POLR3B: variants seen among roughly 807,000 people sequenced by gnomAD.
The protein encoded by POLR3B is RNA polymerase III subunit B, also known as DNA-directed RNA polymerase III subunit RPC2.
A neutral mutation model predicts 147.4 loss-of-function variants in POLR3B; 96 were observed. That is an observed-to-expected ratio of 0.65 (90% CI 0.55 to 0.77). The LOEUF (loss-of-function observed/expected upper bound fraction) is 0.77, where lower values mean the gene tolerates loss of function less well. POLR3B is among the 30% of genes least tolerant of loss of function. POLR3B has a pLI of 0.00. For synonymous variants in POLR3B, 461 were observed against 485.9 expected (o/e 0.95, Z 0.67); for missense variants, 1,036 against 1,413.5 (o/e 0.73, Z 4.28).
chr12:106,473,953 G>A (rs1017593721), intron 23 of POLR3B, among the ~76,000 whole-genome samples: 2 of 150,390 alleles, frequency 1.3e-5, no homozygotes, highest in Non-Finnish European at 1.5e-5. Flanking sequence ...AGTTTTCAAA[G>A]GGAATGCTTC....
At chr12:106,467,196 T>C (rs2038018086) in intron 23 of POLR3B, among the ~76,000 whole-genome samples, 1 of 152,168 alleles carries the variant, frequency 6.6e-6, no homozygotes, top group Non-Finnish European at 1.5e-5. Flanking sequence ...TCCTAGGTAT[T>C]TTATTCTCTT....
rs2038207914 is a variant in POLR3B at position 106,478,106 on chromosome 12, C to T, written c.2713+14486C>T. Among the ~76,000 whole-genome samples, 3 of 151,688 alleles carry T rather than the reference C, an allele frequency of 2.0e-5. No individual in the cohort carries two copies. The South Asian group carries it at 6.2e-4, about 32-fold the overall frequency. On this transcript the variant is annotated intron_variant, in intron 23 of 27. Transcript: ENST00000228347. ...ATTCTTAGTAGAGATGGAGTTTCAC[C>T]ATATTGCCCAGGCTGGTCCCAAATT...
chr12:106,412,151 C>T (rs1391126037), intron 12 of POLR3B, among the ~76,000 whole-genome samples: 1 of 151,890 alleles, frequency 6.6e-6, no homozygotes, highest in Non-Finnish European at 1.5e-5. Flanking sequence ...ACCTGATAGA[C>T]ATTGTGGATA....
intron 15 of POLR3B, 35 bp from the exon 16 acceptor site, chr12:106,433,684 T>A: frequency 6.3e-7 from 1 of 1,586,904 alleles, no homozygotes; most frequent in Non-Finnish European, 8.6e-7. Context: ...ATTTATTTTT[T>A]ATTTCTGTCT....
rs766309077 is a variant in POLR3B at position 106,363,820 on chromosome 12, G to A, written c.73-50G>A. 9 of 1,373,524 alleles carry A rather than the reference G, an allele frequency of 6.6e-6. No individual in the cohort carries two copies. The Admixed American group carries it at 8.6e-5, about 13-fold the overall frequency. 85.1% of individuals were successfully genotyped at this position (1,373,524 alleles called of 1,614,324 possible). ...TGGAACATTAAAATAACTTATGAAA[G>A]TACTGTTGCTGGTACAGAGTTCTGA... On this transcript the variant is annotated intron_variant, in intron 1 of 27. Transcript: ENST00000228347.
chr12:106,433,880 T>C lies in POLR3B; in HGVS notation c.1781+8T>C. ...TGGGGGAAGGCTATGCAGGTATATA[T>C]GCAGGTTACTAAAAAGAGTTTTTAA... On this transcript the variant is annotated splice_region_variant and intron_variant, in intron 16 of 27. Transcript: ENST00000228347. 6.2e-7 allele frequency: 1 copy of C among 1,608,896 alleles called. No homozygotes were observed. Among genetic ancestry groups the C allele is most frequent in the Middle Eastern group, 1.7e-4 (1 of 6,022 alleles).
intron 27 of POLR3B, 92 bp from the exon 28 acceptor site, chr12:106,509,328 A>T (rs887121515): frequency 7.9e-7 from 1 of 1,268,230 alleles, no homozygotes; most frequent in Non-Finnish European, 1.1e-6. Context: ...TAGAATGATA[A>T]TAGAACTTTA....
intron 21 of POLR3B, among the ~76,000 whole-genome samples, chr12:106,457,733 A>C (rs1247462554): frequency 6.6e-6 from 1 of 152,214 alleles, no homozygotes; most frequent in African/African-American, 2.4e-5. Flanking sequence ...TGGGTCTCAC[A>C]GGCTAGTGCA....
At chr12:106,370,299 A>G (rs1042012682) in intron 6 of POLR3B, among the ~76,000 whole-genome samples, 1 of 152,210 alleles carries the variant, frequency 6.6e-6, no homozygotes, top group Non-Finnish European at 1.5e-5. Flanking sequence ...TGTTCAATAA[A>G]TATATACCAA....
chr12:106,452,745 C>T (rs1214831123), intron 19 of POLR3B, among the ~76,000 whole-genome samples: 1 of 152,134 alleles, frequency 6.6e-6, no homozygotes, highest in Non-Finnish European at 1.5e-5. Flanking sequence ...ACTAAAATAA[C>T]ATAAATCAAT....
At chr12:106,431,000 G>A (rs1372718133) in intron 14 of POLR3B, among the ~76,000 whole-genome samples, 1 of 152,142 alleles carries the variant, frequency 6.6e-6, no homozygotes, top group African/African-American at 2.4e-5. Flanking sequence ...CCTGTGTCAC[G>A]GTCCTTTCTC....
At chr12:106,435,530 G>A (rs1021797804) in intron 16 of POLR3B, among the ~76,000 whole-genome samples, 4 of 151,894 alleles carry the variant, frequency 2.6e-5, no homozygotes, top group African/African-American at 9.7e-5. Flanking sequence ...CCGAAGAATG[G>A]TTAGCTGATG....
At position 106,378,256 on chromosome 12, in the gene POLR3B, C is replaced by T. The variant is rs201641713; in HGVS notation, c.497-11C>T. The T allele has an allele frequency of 4.7e-5, 71 of 1,524,128 alleles. No individual in the cohort carries two copies. The African/African-American group carries it at 8.9e-4, about 19-fold the overall frequency. 94.4% of individuals were successfully genotyped at this position (1,524,128 alleles called of 1,614,324 possible). ...ATAAATGATGAAGTTTTTCTTGTTT[C>T]CTTTGGGTAGGTGGCTACTTCATTG... On this transcript the variant is annotated splice_polypyrimidine_tract_variant and intron_variant, in intron 7 of 27. Transcript: ENST00000228347.
intron 6 of POLR3B, among the ~76,000 whole-genome samples, chr12:106,372,646 C>T (rs556355979): frequency 6.6e-6 from 1 of 152,150 alleles, no homozygotes; most frequent in Non-Finnish European, 1.5e-5. Flanking sequence ...TGGCCAATAT[C>T]CATAACTTTA....
At chr12:106,492,946 G>A (rs1017938563) in intron 23 of POLR3B, among the ~76,000 whole-genome samples, 1 of 151,776 alleles carries the variant, frequency 6.6e-6, no homozygotes, top group African/African-American at 2.4e-5. Context: ...ATTCCCATTT[G>A]GCCCTCCTGA....
chr12:106,441,763 A>G (rs1013775521), intron 18 of POLR3B, among the ~76,000 whole-genome samples: 3 of 152,180 alleles, frequency 2.0e-5, no homozygotes, highest in Non-Finnish European at 4.4e-5. Context: ...TTCGAACTAA[A>G]TTTAAGTGCT....
chr12:106,503,443 T>C (rs905453747), intron 26 of POLR3B, among the ~76,000 whole-genome samples: 35 of 152,198 alleles, frequency 2.3e-4, no homozygotes, highest in Non-Finnish European at 3.2e-4. Context: ...TTGCTTTTTT[T>C]TCCCCCCAAA....
rs140200600 is a variant in POLR3B, at chr12:106,470,388, G to T, written c.2713+6768G>T. Among the ~76,000 whole-genome samples the T allele has an allele frequency of 3.9e-5, 6 of 152,142 alleles. No individual in the cohort carries two copies. In the East Asian group the frequency reaches 1.2e-3, roughly 29 times the overall value. Reference sequence around the variant, plus strand: ...CAAGGTTTTCAGCTTCCTCGCAATGGGTTAGAACACACTCCTTTAGCTTGG... The same window carrying T: ...CAAGGTTTTCAGCTTCCTCGCAATGTGTTAGAACACACTCCTTTAGCTTGG... On this transcript the variant is annotated intron_variant, in intron 23 of 27. Coordinates refer to ENST00000228347, the MANE Select transcript of POLR3B (RefSeq NM_018082.6).
At chr12:106,496,424 C>T (rs963113976) in intron 24 of POLR3B, 2 of 608,266 alleles carry the variant, frequency 3.3e-6, no homozygotes, top group Non-Finnish European at 5.8e-6. Flanking sequence ...AAGAGAATCC[C>T]TTGTCTTGAA....
Sources: allele counts gnomAD v4.1 joint callset (sites outside exome capture counted in the v4.1 genomes callset), GRCh38; gene constraint gnomAD v4.1.1; transcripts MANE v1.5; gene names NCBI Gene and HGNC (gene_info 2026-07-23, HGNC 2026-07-21).